Variants in COQ3 observed in about 807,000 individuals in gnomAD.
COQ3 encodes the protein ubiquinone biosynthesis O-methyltransferase, mitochondrial.
Under a neutral mutation model 33.1 loss-of-function variants are expected in COQ3, and 29 were observed. The observed-to-expected ratio is 0.88, with a 90% CI of 0.65 to 1.19. The LOEUF is 1.19. COQ3 is among the 50% of genes most tolerant of loss of function. The pLI, the probability that COQ3 is intolerant of heterozygous loss-of-function variation, is 0.00. For missense variants in COQ3, 437 were observed against 430.7 expected (o/e 1.01, Z -0.13); for synonymous variants, 173 against 157.8 (o/e 1.10, Z -0.72).
intron 5 of COQ3, 78 bp downstream of exon 5, chr6:99,375,862 A>T: frequency 2.0e-6 from 3 of 1,505,694 alleles, no homozygotes; most frequent in Admixed American, 3.4e-5. Flanking sequence ...CTAATGCATT[A>T]TGGACCATTT....
At chr6:99,378,141 TATATATATATATATA>T (rs1159249467) in intron 3 of COQ3, among the ~76,000 whole-genome samples, 5,429 of 32,462 alleles carry the variant, frequency 0.17, 142 homozygotes, top group Non-Finnish European at 0.33. Context: ...TATATATATA[TATATATATATATATA>T]TTTAGAGAGA....
chr6:99,372,942 C>T (rs551230936), intron 5 of COQ3, among the ~76,000 whole-genome samples: 2 of 152,192 alleles, frequency 1.3e-5, no homozygotes, highest in African/African-American at 2.4e-5. Context: ...AGATACCACT[C>T]TATGCCAAAA....
intron 1 of COQ3, among the ~76,000 whole-genome samples, chr6:99,384,565 C>T (rs1774562682): frequency 1.3e-5 from 2 of 152,084 alleles, no homozygotes; most frequent in Non-Finnish European, 2.9e-5. Context: ...TTTGCATATG[C>T]TCAATACCCT....
chr6:99,387,628 A>G (rs1308561372), intron 1 of COQ3, among the ~76,000 whole-genome samples: 11 of 152,244 alleles, frequency 7.2e-5, no homozygotes, highest in African/African-American at 2.7e-4. Context: ...TATAGCTCAC[A>G]TAGTACTTTA....
intron 1 of COQ3, among the ~76,000 whole-genome samples, chr6:99,391,670 G>A (rs1774834668): frequency 6.6e-6 from 1 of 152,058 alleles, no homozygotes; most frequent in African/African-American, 2.4e-5. Context: ...GAATCCCTAA[G>A]TCATCAGTAT....
chr6:99,388,041 G>T (rs1232293689), intron 1 of COQ3, among the ~76,000 whole-genome samples: 1 of 152,142 alleles, frequency 6.6e-6, no homozygotes. Flanking sequence ...GCACATGCCT[G>T]TAATCCCAGC....
chr6:99,389,174 C>CT, intron 1 of COQ3, among the ~76,000 whole-genome samples: 1 of 152,242 alleles, frequency 6.6e-6, no homozygotes, highest in African/African-American at 2.4e-5. Flanking sequence ...CCAAATTGGA[C>CT]TGCAGAGGCA....
intron 1 of COQ3, among the ~76,000 whole-genome samples, chr6:99,389,692 T>C (rs1774768975): frequency 6.6e-6 from 1 of 152,256 alleles, no homozygotes. Context: ...TGAATGTTTC[T>C]CTTCACCTAC....
intron 1 of COQ3, 105 bp downstream of exon 1, chr6:99,393,969 C>T (rs1774901259): frequency 3.3e-6 from 3 of 914,400 alleles, no homozygotes; most frequent in Non-Finnish European, 3.5e-6. Flanking sequence ...GCGCTGACCC[C>T]TCGCGAGGTC....
chr6:99,377,171 G>A (rs75957611), intron 4 of COQ3, among the ~76,000 whole-genome samples: 15,032 of 150,954 alleles, frequency 0.1, 1,080 homozygotes, highest in East Asian at 0.4. Flanking sequence ...CACCACACCT[G>A]GCTAATTTTT....
chr6:99,377,603 T>A, intron 3 of COQ3, 118 bp from the exon 4 acceptor site: 1 of 579,316 alleles, frequency 1.7e-6, no homozygotes, highest in Non-Finnish European at 2.9e-6. Flanking sequence ...TATTCATTTT[T>A]TTTATAAATA....
At position 99,375,918 on chromosome 6, in the gene COQ3, A is replaced by G. The variant is rs1244408001; in HGVS notation, c.729+22T>C. The G allele has an allele frequency of 2.5e-6, 4 of 1,612,396 alleles. No homozygotes were observed. In the African/African-American group the frequency reaches 5.3e-5, roughly 22 times the overall value. ...CACACACTCAGAAGAAGAAACCAAG[A>G]TGTAAACTCCATAAGCCTTACTTTT... On this transcript the variant is annotated intron_variant, in intron 5 of 6. Coordinates refer to ENST00000254759, the MANE Select transcript of COQ3 (RefSeq NM_017421.4).
intron 1 of COQ3, among the ~76,000 whole-genome samples, chr6:99,384,823 T>C (rs1774573848): frequency 6.6e-6 from 1 of 152,048 alleles, no homozygotes; most frequent in Non-Finnish European, 1.5e-5. Context: ...TAAATGTGTA[T>C]GCACCAGCAA....
At chr6:99,384,744 G>A (rs779347810) in intron 1 of COQ3, among the ~76,000 whole-genome samples, 2 of 152,104 alleles carry the variant, frequency 1.3e-5, no homozygotes, top group African/African-American at 4.8e-5. Flanking sequence ...AGCAAAGAAA[G>A]TACCAGAAAC....
chr6:99,372,393 T>C (rs913033166), intron 5 of COQ3, among the ~76,000 whole-genome samples: 5 of 151,900 alleles, frequency 3.3e-5, no homozygotes, highest in African/African-American at 9.7e-5. Flanking sequence ...CCAGGATGAA[T>C]GCAAAGGATT....
At chr6:99,386,001 A>AAAAAG (rs1582729622) in intron 1 of COQ3, among the ~76,000 whole-genome samples, 11 of 85,270 alleles carry the variant, frequency 1.3e-4, no homozygotes, top group Middle Eastern at 7.9e-3. Context: ...AAAGAAAAGA[A>AAAAAG]AAAAGAAAAG....
intron 1 of COQ3, among the ~76,000 whole-genome samples, chr6:99,388,368 C>T (rs574464554): frequency 3.3e-5 from 5 of 152,142 alleles, no homozygotes; most frequent in East Asian, 3.9e-4. Flanking sequence ...AATCTATATG[C>T]TTAAAATTAC....
In COQ3 at chr6:99,376,106, T is replaced by A. The variant is rs1363280045; in HGVS notation, c.563A>T (p.Lys188Ile). 1 of 1,614,014 alleles carries A rather than the reference T, an allele frequency of 6.2e-7. No homozygotes were observed. The highest frequency in any genetic ancestry group is 2.2e-5 in the East Asian group (1 of 44,892). Residue 188 changes from lysine (K) to isoleucine (I), a missense_variant, in exon 5 of 7, where the codon AAA (lysine) becomes ATA (isoleucine). Transcript: ENST00000254759. ...CTTATCCAGGACTGGATCAAATGAT[T>A]TATGGCATTGTGCTGTTTTAATGTT... ...DENIKTAQCHKSFDPVLDKRI... is the reference protein window; with the variant it reads ...DENIKTAQCHISFDPVLDKRI...
rs941470395 is a variant in COQ3, at chr6:99,375,863, T to C, written c.729+77A>G. 39 of 1,511,202 alleles carry C rather than the reference T, an allele frequency of 2.6e-5. No individual in the cohort carries two copies. The Middle Eastern group carries it at 5.2e-4, about 20-fold the overall frequency. The allele number at this position is 1,511,202 out of a possible 1,614,324, so 93.6% of individuals were successfully genotyped here. On this transcript the variant is annotated intron_variant, in intron 5 of 6. Coordinates refer to ENST00000254759, the MANE Select transcript of COQ3 (RefSeq NM_017421.4). ...TGCCTGCTGGACTGCTAATGCATTATGGACCATTTTATTGCTATAGATACA... is the reference window on the plus strand; with the variant it reads ...TGCCTGCTGGACTGCTAATGCATTACGGACCATTTTATTGCTATAGATACA...
Sources: gnomAD v4.1 joint callset for allele counts (sites outside exome capture counted in the v4.1 genomes callset) on GRCh38, gnomAD v4.1.1 for gene constraint, MANE v1.5 for transcripts, NCBI Gene and HGNC (gene_info 2026-07-23, HGNC 2026-07-21) for gene names.